The following IL7 variants were observed in gnomAD, a reference collection of about 807,000 sequenced individuals.
IL7 encodes the protein interleukin 7.
In IL7, 3 loss-of-function variants were observed where a neutral mutation model predicts 21.6. The observed-to-expected ratio is 0.14, with a 90% CI of 0.06 to 0.36. The LOEUF (loss-of-function observed/expected upper bound fraction) is 0.36. IL7 is among the 10% of genes least tolerant of loss of function. The pLI is 1.00. For synonymous variants in IL7, 62 were observed against 68.1 expected (o/e 0.91, Z 0.44); for missense variants, 175 against 200.2 (o/e 0.87, Z 0.76).
At chr8:78,720,761 T>G (rs1264853206) in intron 5 of IL7, among the ~76,000 whole-genome samples, 1 of 151,914 alleles carries the variant, frequency 6.6e-6, no homozygotes, top group East Asian at 1.9e-4. Context: ...TTAGCAAAAT[T>G]ATGCATCTCA....
intron 3 of IL7, among the ~76,000 whole-genome samples, chr8:78,704,337 G>A (rs1019721618): frequency 7.4e-5 from 11 of 148,446 alleles, no homozygotes; most frequent in Admixed American, 2.0e-4. Flanking sequence ...GCAGTGAGCC[G>A]AGATTGCGCC....
intron 3 of IL7, chr8:78,723,653 C>A: frequency 6.2e-6 from 1 of 161,096 alleles, no homozygotes. Flanking sequence ...TTCACAAAGG[C>A]CAAGAAAACC....
At chr8:78,789,457 G>C (rs1813615607) in intron 2 of IL7, among the ~76,000 whole-genome samples, 1 of 152,014 alleles carries the variant, frequency 6.6e-6, no homozygotes, top group Non-Finnish European at 1.5e-5. Flanking sequence ...GCAATATTTG[G>C]CTAGAATTTG....
chr8:78,725,578 A>G (rs577280636), intron 3 of IL7, among the ~76,000 whole-genome samples: 1 of 152,050 alleles, frequency 6.6e-6, no homozygotes, highest in Admixed American at 6.6e-5. Flanking sequence ...TCAACAACCA[A>G]ATTTGGTCTA....
At chr8:78,752,823 T>A (rs1050908015) in intron 2 of IL7, among the ~76,000 whole-genome samples, 2 of 152,104 alleles carry the variant, frequency 1.3e-5, no homozygotes, top group African/African-American at 4.8e-5. Context: ...CAACTCCCAC[T>A]TAGGAGTGAG....
chr8:78,696,909 C>T (rs1810436820), intron 3 of IL7, among the ~76,000 whole-genome samples: 1 of 152,126 alleles, frequency 6.6e-6, no homozygotes, highest in Non-Finnish European at 1.5e-5. Flanking sequence ...AGTTTTTCTA[C>T]TAATGTTTGT....
intron 2 of IL7, among the ~76,000 whole-genome samples, chr8:78,750,233 G>GAA (rs538815816): frequency 6.6e-6 from 1 of 151,628 alleles, no homozygotes; most frequent in Admixed American, 6.6e-5. Flanking sequence ...CTAAGGAGGG[G>GAA]AAAAAAAAGA....
chr8:78,761,753 A>C, intron 2 of IL7: 2 of 1,612,010 alleles, frequency 1.2e-6, no homozygotes, highest in Non-Finnish European at 1.7e-6. Flanking sequence ...CAACGTGTTA[A>C]CTGCTGTTGT....
chr8:78,733,898 AT>A (rs545379440), intron 5 of IL7, 66 bp from the exon 6 acceptor site: 2 of 1,071,722 alleles, frequency 1.9e-6, no homozygotes, highest in Non-Finnish European at 2.5e-6. Flanking sequence ...TTAAAATACT[AT>A]TTTTCATCAT....
intron 1 of IL7, 140 bp downstream of exon 1, chr8:78,804,773 G>C (rs1262457452): frequency 1.1e-6 from 1 of 896,722 alleles, no homozygotes; most frequent in Non-Finnish European, 1.7e-6. Flanking sequence ...GCCCATGGGA[G>C]AGCCAGTGCT....
chr8:78,804,575 A>G (rs1212160322), intron 1 of IL7, among the ~76,000 whole-genome samples: 7 of 152,222 alleles, frequency 4.6e-5, no homozygotes. Flanking sequence ...AGGGCGCCAG[A>G]CAGAGAGCCT....
chr8:78,682,850 A>C (rs1215847187), intron 4 of IL7, among the ~76,000 whole-genome samples: 1 of 152,246 alleles, frequency 6.6e-6, no homozygotes, highest in Non-Finnish European at 1.5e-5. Context: ...CCTAGATACA[A>C]TAGGGATACA....
chr8:78,709,428 A>T (rs1360512866), intron 3 of IL7, among the ~76,000 whole-genome samples: 1 of 152,108 alleles, frequency 6.6e-6, no homozygotes, highest in Non-Finnish European at 1.5e-5. Flanking sequence ...CTTATCTTTT[A>T]TTGTTGATCT....
intron 2 of IL7, among the ~76,000 whole-genome samples, chr8:78,790,214 C>T (rs12546529): frequency 0.028 from 4,308 of 152,170 alleles, 90 homozygotes; most frequent in Middle Eastern, 0.078. Flanking sequence ...TCCTAGAAAG[C>T]GTTTGGCCAT....
At chr8:78,682,726 C>A (rs1321192653) in intron 4 of IL7, among the ~76,000 whole-genome samples, 1 of 152,126 alleles carries the variant, frequency 6.6e-6, no homozygotes, top group South Asian at 2.1e-4. Context: ...TCCCAACAGT[C>A]CCCCAAAGTC....
At chr8:78,707,887 G>T (rs542998501) in intron 3 of IL7, among the ~76,000 whole-genome samples, 101 of 148,148 alleles carry the variant, frequency 6.8e-4, no homozygotes, top group Non-Finnish European at 1.3e-3. Context: ...GTGAAGTAAT[G>T]ATTTGTTTCT....
intron 3 of IL7, among the ~76,000 whole-genome samples, chr8:78,707,221 A>T (rs1297261440): frequency 6.6e-6 from 1 of 152,238 alleles, no homozygotes; most frequent in Non-Finnish European, 1.5e-5. Context: ...AGTTGATCAT[A>T]GATTAAAAGC....
intron 5 of IL7, among the ~76,000 whole-genome samples, chr8:78,720,846 C>A (rs1811223179): frequency 6.6e-6 from 1 of 151,834 alleles, no homozygotes; most frequent in South Asian, 2.1e-4. Flanking sequence ...CATCTTAGTT[C>A]TACCACAGTT....
chr8:78,701,028 G>A (rs1482860773), intron 3 of IL7, among the ~76,000 whole-genome samples: 1 of 152,156 alleles, frequency 6.6e-6, no homozygotes, highest in African/African-American at 2.4e-5. Flanking sequence ...GTTCTGTGAA[G>A]AATGTCACTG....
Sources: gnomAD v4.1 joint callset for allele counts (sites outside exome capture counted in the v4.1 genomes callset) on GRCh38, gnomAD v4.1.1 for gene constraint, MANE v1.5 for transcripts, NCBI Gene and HGNC (gene_info 2026-07-23, HGNC 2026-07-21) for gene names.